BTAF1: variants seen among roughly 807,000 people sequenced by gnomAD.
BTAF1 encodes B-TFIID TATA-box binding protein associated factor 1, also known as TATA-binding protein-associated factor 172.
Under a neutral mutation model 227.1 loss-of-function variants are expected in BTAF1, and 38 were observed. That is an observed-to-expected ratio of 0.17 (90% CI 0.13 to 0.22). The LOEUF (loss-of-function observed/expected upper bound fraction) is 0.22, where lower values mean the gene tolerates loss of function less well. BTAF1 is among the 10% of genes least tolerant of loss of function. The pLI, the probability that BTAF1 is intolerant of heterozygous loss-of-function variation, is 1.00. For synonymous variants in BTAF1, 742 were observed against 751.9 expected, an observed-to-expected ratio of 0.99 and a Z score of 0.21; for missense variants, 1,598 against 2,204.0, an observed-to-expected ratio of 0.73 and a Z score of 5.51.
At chr10:92,026,808 A>G in intron 36 of BTAF1, 57 bp downstream of exon 36, 1 of 1,537,328 alleles carries the variant, frequency 6.5e-7, no homozygotes. Flanking sequence ...ATACTCCCCC[A>G]GAAAGATAGG....
chr10:91,964,470 A>G (rs1846739559), intron 13 of BTAF1, among the ~76,000 whole-genome samples: 1 of 152,130 alleles, frequency 6.6e-6, no homozygotes, highest in Non-Finnish European at 1.5e-5. Flanking sequence ...ACTTAGAAAT[A>G]TAATCATTGA....
chr10:91,962,441 G>T, intron 11 of BTAF1, 97 bp from the exon 12 acceptor site: 1 of 806,478 alleles, frequency 1.2e-6, no homozygotes, highest in South Asian at 2.0e-5. Context: ...ATAAATATTG[G>T]AATTTAGCTG....
At chr10:91,967,061 G>A (rs182802407) in intron 14 of BTAF1, among the ~76,000 whole-genome samples, 1 of 152,286 alleles carries the variant, frequency 6.6e-6, no homozygotes, top group African/African-American at 2.4e-5. Flanking sequence ...TATAGTCTTT[G>A]CATGCTCTTT....
At chr10:91,932,824 GTT>G (rs1844360991) in intron 1 of BTAF1, among the ~76,000 whole-genome samples, 1 of 152,206 alleles carries the variant, frequency 6.6e-6, no homozygotes, top group African/African-American at 2.4e-5. Context: ...TACTTTATTT[GTT>G]TGCTGTAGCA....
At chr10:91,992,964 A>G (rs1393142146) in intron 21 of BTAF1, among the ~76,000 whole-genome samples, 1 of 152,240 alleles carries the variant, frequency 6.6e-6, no homozygotes, top group Non-Finnish European at 1.5e-5. Flanking sequence ...TGCAAGGCAT[A>G]GGAATGTACC....
rs189359085 is a variant in BTAF1, at chr10:91,930,378, A to G, written c.15-5279A>G. Among the ~76,000 whole-genome samples the G allele has an allele frequency of 3.9e-5, 6 of 152,214 alleles. No homozygotes were observed. In the East Asian group the frequency reaches 5.8e-4, roughly 15 times the overall value. The stretch of plus-strand genomic sequence containing the variant: ...AACCAATATTTACTGAGTGCTTTCT[A>G]TGTTATAGGTGCTAGAGGTATAGCA... On this transcript the variant is annotated intron_variant, in intron 1 of 37. Coordinates refer to ENST00000265990, the MANE Select transcript of BTAF1 (RefSeq NM_003972.3).
chr10:91,948,681 C>G (rs1423563681), intron 4 of BTAF1, among the ~76,000 whole-genome samples: 1 of 148,548 alleles, frequency 6.7e-6, no homozygotes, highest in Non-Finnish European at 1.5e-5. Flanking sequence ...TATGCCTGCC[C>G]CAGAACTTCT....
chr10:91,926,953 G>C (rs964935841), intron 1 of BTAF1, among the ~76,000 whole-genome samples: 7 of 152,030 alleles, frequency 4.6e-5, no homozygotes, highest in African/African-American at 1.7e-4. Flanking sequence ...TTGTGATCTG[G>C]TTCCTGTGTC....
intron 25 of BTAF1, among the ~76,000 whole-genome samples, chr10:92,006,684 T>C (rs753595100): frequency 6.6e-6 from 1 of 152,248 alleles, no homozygotes; most frequent in South Asian, 2.1e-4. Flanking sequence ...ATTTTATCAG[T>C]GACAACAAGT....
intron 19 of BTAF1, among the ~76,000 whole-genome samples, chr10:91,986,062 CAT>C (rs1019818076): frequency 3.4e-4 from 52 of 151,718 alleles, no homozygotes; most frequent in African/African-American, 1.2e-3. Context: ...AAGGTATTCA[CAT>C]ATGTTTTCTT....
At position 92,013,828 on chromosome 10, in the gene BTAF1, A is replaced by C; in HGVS notation, c.4453+20A>C. On this transcript the variant is annotated intron_variant, in intron 31 of 37. Coordinates refer to ENST00000265990, the MANE Select transcript of BTAF1 (RefSeq NM_003972.3). ...AAGCAGGTATGAAAGAGATATAATT[A>C]TAACCCTGTGTAAGTGAATATAATT... The C allele has an allele frequency of 3.1e-6, 5 of 1,613,860 alleles. No homozygotes were observed. Among genetic ancestry groups the C allele is most frequent in the Middle Eastern group, 1.6e-4 (1 of 6,062 alleles).
At chr10:91,945,387 C>T (rs1273312355) in intron 4 of BTAF1, among the ~76,000 whole-genome samples, 1 of 152,100 alleles carries the variant, frequency 6.6e-6, no homozygotes, top group Admixed American at 6.5e-5. Flanking sequence ...GTTGTGCAGC[C>T]AGTCTCCAGA....
At chr10:92,023,872 G>C (rs938453165) in intron 34 of BTAF1, among the ~76,000 whole-genome samples, 2 of 152,158 alleles carry the variant, frequency 1.3e-5, no homozygotes, top group African/African-American at 4.8e-5. Context: ...GACCTCAAGT[G>C]ATCTGCCTGC....
intron 2 of BTAF1, among the ~76,000 whole-genome samples, chr10:91,939,492 G>T (rs937456010): frequency 1.3e-5 from 2 of 152,172 alleles, no homozygotes; most frequent in Admixed American, 6.5e-5. Context: ...AGATTGGAGT[G>T]CAGTGGCGCC....
At position 91,995,789 on chromosome 10, in the gene BTAF1, AC is replaced by A. The variant is rs1849105363; in HGVS notation, c.3310-578del. On this transcript the variant is annotated intron_variant, in intron 23 of 37. Coordinates refer to ENST00000265990, the MANE Select transcript of BTAF1 (RefSeq NM_003972.3). ...AGGCACATCAAACTGTTGAACAGAT[AC>A]CTGGCTCTCATCAGCATTAATTCTG... is the stretch of plus-strand genomic sequence containing the variant. Among the ~76,000 whole-genome samples the A allele has an allele frequency of 2.0e-5, 3 of 152,316 alleles. No individual in the cohort carries two copies. In the South Asian group the frequency reaches 6.2e-4, roughly 32 times the overall value.
At chr10:92,004,535 A>T (rs1295374160) in intron 25 of BTAF1, among the ~76,000 whole-genome samples, 1 of 152,138 alleles carries the variant, frequency 6.6e-6, no homozygotes, top group Non-Finnish European at 1.5e-5. Context: ...TTGTATGATC[A>T]TGGCTCACTG....
At position 91,957,231 on chromosome 10, in the gene BTAF1, G is replaced by A. The variant is rs1416472333; in HGVS notation, c.838G>A (p.Glu280Lys). 2.5e-6 allele frequency: 4 copies of A among 1,612,302 alleles called. No homozygotes were observed. The African/African-American group carries it at 5.3e-5, about 22-fold the overall frequency. The part of the protein sequence containing the change: ...DSSSLIEETN[E>K]WPLESFCEEL... ...TTCTGTTTTTCTTATTCAGACAAAT[G>A]AATGGCCTTTGGAAAGCTTTTGTGA... Residue 280 changes from glutamate to lysine, a missense_variant, in exon 8 of 38, where the codon GAA becomes AAA. Physicochemically the swap from Glu to Lys is moderately conservative, Grantham distance 56 (BLOSUM62 1). Coordinates refer to ENST00000265990, the MANE Select transcript of BTAF1 (RefSeq NM_003972.3).
rs1422097690 is a variant in BTAF1, at chr10:91,923,986, C to T, written c.-91C>T. The stretch of plus-strand genomic sequence containing the variant: ...CGGCCGCTCCCCTGTGCTCCGCGGC[C>T]TGGGCCTGCGCCGCTCAGCTCTCTG... On this transcript the variant is annotated 5_prime_UTR_variant, in exon 1 of 38. Coordinates refer to ENST00000265990, the MANE Select transcript of BTAF1 (RefSeq NM_003972.3). 7 of 1,489,752 alleles carry T rather than the reference C, an allele frequency of 4.7e-6. No homozygotes were observed. The highest frequency in any genetic ancestry group is 4.3e-5 in the African/African-American group (3 of 69,422). 92.3% of individuals were successfully genotyped at this position (1,489,752 alleles called of 1,614,324 possible).
At chr10:91,986,989 C>T (rs1477392248) in intron 19 of BTAF1, among the ~76,000 whole-genome samples, 1 of 152,098 alleles carries the variant, frequency 6.6e-6, no homozygotes, top group African/African-American at 2.4e-5. Flanking sequence ...GCACCATTCT[C>T]ATGATTTAGT....
Sources: gnomAD v4.1 joint callset for allele counts (sites outside exome capture counted in the v4.1 genomes callset) on GRCh38, gnomAD v4.1.1 for gene constraint, MANE v1.5 for transcripts, NCBI Gene and HGNC (gene_info 2026-07-23, HGNC 2026-07-21) for gene names.